NR2F1-AS1: variants seen among roughly 807,000 people sequenced by gnomAD.
NR2F1-AS1 encodes the protein NR2F1 antisense RNA 1.
intron 1 of NR2F1-AS1, among the ~76,000 whole-genome samples, chr5:93,575,522 C>T (rs2149932145): frequency 6.6e-6 from 1 of 152,260 alleles, no homozygotes; most frequent in Admixed American, 6.5e-5. Context: ...TGTATTTTAA[C>T]CAATTTAACT....
intron 4 of NR2F1-AS1, among the ~76,000 whole-genome samples, chr5:93,422,077 C>T (rs1446675974): frequency 6.6e-6 from 1 of 152,224 alleles, no homozygotes; most frequent in Non-Finnish European, 1.5e-5. Flanking sequence ...GGCGTGCATG[C>T]TGCCTCATTT....
chr5:93,491,744 C>T (rs1335943958), intron 4 of NR2F1-AS1, among the ~76,000 whole-genome samples: 1 of 152,186 alleles, frequency 6.6e-6, no homozygotes, highest in Non-Finnish European at 1.5e-5. Flanking sequence ...ATCAAGGCTC[C>T]TGGTTCTTGG....
intron 4 of NR2F1-AS1, among the ~76,000 whole-genome samples, chr5:93,443,325 T>C (rs1206850330): frequency 6.6e-6 from 1 of 152,136 alleles, no homozygotes; most frequent in Non-Finnish European, 1.5e-5. Context: ...AATGGCTAAC[T>C]AGAATAAACA....
In NR2F1-AS1 at chr5:93,483,369, A is replaced by C. The variant is rs373893487; in HGVS notation, n.638+70392T>G. Among the ~76,000 whole-genome samples the C allele has an allele frequency of 4.8e-4, 73 of 152,336 alleles. 1 individual carries two copies. The highest frequency in any genetic ancestry group is 1.7e-3 in the African/African-American group (69 of 41,574). Reference sequence around the variant, plus strand: ...GCAGCAGAGGGGCCTAACTATTAGAAGGAAAACTAACAAACAGAAAGGAAT... The same window carrying C: ...GCAGCAGAGGGGCCTAACTATTAGACGGAAAACTAACAAACAGAAAGGAAT... On this transcript the variant is annotated intron_variant and non_coding_transcript_variant, in intron 4 of 5. Coordinates refer to ENST00000660523, the Ensembl canonical transcript of NR2F1-AS1.
rs1019820867 is a variant in NR2F1-AS1 at position 93,579,867 on chromosome 5, G to A, written n.313+600C>T. ...GCCGCCGCAGGTTGTCTGCTCGGGAGAGCGGCTCGATGTCCCTTTTAATCC... is the reference window on the plus strand; with the variant it reads ...GCCGCCGCAGGTTGTCTGCTCGGGAAAGCGGCTCGATGTCCCTTTTAATCC... On this transcript the variant is annotated intron_variant and non_coding_transcript_variant, in intron 1 of 5. Coordinates refer to ENST00000660523, the Ensembl canonical transcript of NR2F1-AS1. This position sits in a 1 kb window ranked among gnomAD's most constrained non-coding sequence, Gnocchi z 5.1. Among the ~76,000 whole-genome samples the A allele has an allele frequency of 1.3e-5, 2 of 152,354 alleles. No homozygotes were observed. Among genetic ancestry groups the A allele is most frequent in the Middle Eastern group, 3.4e-3 (1 of 294 alleles).
chr5:93,451,617 G>A (rs1749832338), intron 4 of NR2F1-AS1, among the ~76,000 whole-genome samples: 1 of 151,954 alleles, frequency 6.6e-6, no homozygotes, highest in Non-Finnish European at 1.5e-5. Context: ...TACCTAGACT[G>A]GTCTCCAACT....
At chr5:93,535,926 A>C (rs1242539626) in intron 4 of NR2F1-AS1, among the ~76,000 whole-genome samples, 1 of 152,174 alleles carries the variant, frequency 6.6e-6, no homozygotes, top group Non-Finnish European at 1.5e-5. Context: ...ACTTCTATTC[A>C]ACATAATACT....
intron 4 of NR2F1-AS1, among the ~76,000 whole-genome samples, chr5:93,445,854 G>C (rs1390534662): frequency 1.3e-5 from 2 of 152,164 alleles, no homozygotes; most frequent in African/African-American, 4.8e-5. Context: ...TATCCACCAT[G>C]ATCAAGTGGG....
chr5:93,449,546 T>C (rs1749786010), intron 4 of NR2F1-AS1, among the ~76,000 whole-genome samples: 1 of 152,304 alleles, frequency 6.6e-6, no homozygotes, highest in East Asian at 1.9e-4. Context: ...CTAATATTTC[T>C]TCACCTTTGA....
At chr5:93,492,262 A>T (rs191190299) in intron 4 of NR2F1-AS1, among the ~76,000 whole-genome samples, 2 of 152,298 alleles carry the variant, frequency 1.3e-5, no homozygotes, top group Non-Finnish European at 2.9e-5. Flanking sequence ...AAAAAATCTT[A>T]ACAGATCTAA....
intron 4 of NR2F1-AS1, among the ~76,000 whole-genome samples, chr5:93,527,644 CAG>C (rs1295487823): frequency 2.0e-5 from 3 of 152,290 alleles, no homozygotes; most frequent in African/African-American, 7.2e-5. Flanking sequence ...GGTACCAAAA[CAG>C]AGATATAGAC....
At chr5:93,547,227 T>A (rs1752109354) in intron 4 of NR2F1-AS1, among the ~76,000 whole-genome samples, 1 of 152,214 alleles carries the variant, frequency 6.6e-6, no homozygotes, top group Admixed American at 6.5e-5. Context: ...CACTGACTGA[T>A]ACACCAACAA....
At chr5:93,514,138 A>G (rs1197169189) in intron 4 of NR2F1-AS1, among the ~76,000 whole-genome samples, 1 of 152,080 alleles carries the variant, frequency 6.6e-6, no homozygotes, top group Non-Finnish European at 1.5e-5. Flanking sequence ...TCAGCATAAC[A>G]CTGCTGGATG....
intron 4 of NR2F1-AS1, among the ~76,000 whole-genome samples, chr5:93,455,841 A>ATG (rs200238365): frequency 0.02 from 2,944 of 144,088 alleles, 111 homozygotes; most frequent in African/African-American, 0.078. Flanking sequence ...CTACACACAC[A>ATG]CGCACACACA....
chr5:93,583,755 A>C (rs989417410), upstream of NR2F1-AS1: 1 of 152,152 alleles, frequency 6.6e-6, no homozygotes, highest in Non-Finnish European at 1.5e-5. Context: ...GAGGAAAAGA[A>C]GAGGATTATT....
chr5:93,550,667 C>T (rs1439404147), intron 4 of NR2F1-AS1, among the ~76,000 whole-genome samples: 2 of 152,128 alleles, frequency 1.3e-5, no homozygotes, highest in Non-Finnish European at 2.9e-5. Flanking sequence ...GTGGATTCCA[C>T]CCTGAAATCC....
chr5:93,539,076 C>T (rs1453155898), intron 4 of NR2F1-AS1, among the ~76,000 whole-genome samples: 2 of 152,174 alleles, frequency 1.3e-5, no homozygotes, highest in East Asian at 1.9e-4. Flanking sequence ...GTCAGGAGTT[C>T]GAGACCAACC....
intron 4 of NR2F1-AS1, among the ~76,000 whole-genome samples, chr5:93,517,438 T>A (rs904107067): frequency 6.6e-6 from 1 of 152,070 alleles, no homozygotes; most frequent in Non-Finnish European, 1.5e-5. Flanking sequence ...AACTTTTTTT[T>A]AATTTACTTC....
chr5:93,519,926 C>T (rs1751469721), intron 4 of NR2F1-AS1, among the ~76,000 whole-genome samples: 1 of 152,084 alleles, frequency 6.6e-6, no homozygotes, highest in African/African-American at 2.4e-5. Context: ...TATAAACTGA[C>T]ATTTCTCCTA....
Sources: gnomAD v4.1 joint callset for allele counts (sites outside exome capture counted in the v4.1 genomes callset) on GRCh38, gnomAD v4.1.1 for gene constraint, Gnocchi (gnomAD v3.1) non-coding constraint, MANE v1.5 for transcripts, NCBI Gene and HGNC (gene_info 2026-07-23, HGNC 2026-07-21) for gene names.